The following FRK variants were observed in gnomAD, a reference collection of about 807,000 sequenced individuals.
The protein encoded by FRK is fyn related Src family tyrosine kinase.
FRK carries 51 observed loss-of-function variants against 56.4 expected under a neutral mutation model. That is an observed-to-expected ratio of 0.90 (90% CI 0.72 to 1.14). The LOEUF is 1.14. FRK is among the 50% of genes most tolerant of loss of function. The pLI is 0.00. For missense variants in FRK, 570 were observed against 601.4 expected (o/e 0.95, Z 0.55); for synonymous variants, 245 against 217.9 (o/e 1.12, Z -1.10).
At chr6:116,041,453 G>A (rs1479349795) in intron 1 of FRK, among the ~76,000 whole-genome samples, 4 of 152,208 alleles carry the variant, frequency 2.6e-5, no homozygotes, top group East Asian at 3.9e-4. Context: ...GGATTAAGTC[G>A]TGCGCAAGAT....
chr6:115,971,504 T>C (rs1773804439), intron 2 of FRK, among the ~76,000 whole-genome samples: 1 of 152,120 alleles, frequency 6.6e-6, no homozygotes, highest in Non-Finnish European at 1.5e-5. Context: ...ATGCAAACAA[T>C]ACACAGAAAA....
intron 1 of FRK, among the ~76,000 whole-genome samples, chr6:116,022,115 C>T (rs1775893693): frequency 6.6e-6 from 1 of 151,832 alleles, no homozygotes; most frequent in African/African-American, 2.4e-5. Flanking sequence ...CCCAAAATAA[C>T]ACAAGAAGAA....
At chr6:116,023,544 T>C (rs1014352724) in intron 1 of FRK, among the ~76,000 whole-genome samples, 13 of 152,144 alleles carry the variant, frequency 8.5e-5, no homozygotes, top group African/African-American at 2.7e-4. Context: ...AAAGTAGATA[T>C]ATGATTGCAT....
upstream of FRK, among the ~76,000 whole-genome samples, chr6:116,062,650 C>A (rs144399796): frequency 3.1e-3 from 471 of 152,270 alleles, 9 homozygotes; most frequent in South Asian, 0.04. Flanking sequence ...ACACCACAGT[C>A]ATTGAGCAAG....
intron 1 of FRK, among the ~76,000 whole-genome samples, chr6:116,042,035 T>C (rs1044934488): frequency 3.9e-5 from 6 of 152,208 alleles, no homozygotes; most frequent in Non-Finnish European, 7.3e-5. Context: ...GTCTGAAGTC[T>C]ACCTGGGACA....
chr6:115,936,162 G>C lies in FRK; in HGVS notation c.*6252C>G, dbSNP rs911119784. 6.3e-6 allele frequency: 1 copy of C among 159,400 alleles called. No homozygotes were observed. Among genetic ancestry groups the C allele is most frequent in the Non-Finnish European group, 1.3e-5 (1 of 74,182 alleles). The allele number at this position is 159,400 out of a possible 1,614,324, so 9.9% of individuals were successfully genotyped here. A position where few individuals can be genotyped will look rare whatever the true frequency, so the allele number is the denominator to read the frequency against. On this transcript the variant is annotated 3_prime_UTR_variant, in exon 8 of 8. Transcript: ENST00000606080. ...GAGGAAAGAACAGGCAGCAATCTTT[G>C]CTGTTCTGCAGCCTCCACTCGTGAC... is the stretch of plus-strand genomic sequence containing the variant.
At chr6:115,984,407 C>T (rs1774314647) in intron 2 of FRK, among the ~76,000 whole-genome samples, 1 of 151,944 alleles carries the variant, frequency 6.6e-6, no homozygotes, top group African/African-American at 2.4e-5. Context: ...CACATCAGTC[C>T]TGATATGGGA....
At chr6:116,039,065 T>G (rs1776608883) in intron 1 of FRK, 2 of 764,328 alleles carry the variant, frequency 2.6e-6, no homozygotes, top group Admixed American at 1.7e-5. Context: ...CTTTGGGGAG[T>G]CAGATAAGCT....
At chr6:115,976,072 C>T (rs1773981264) in intron 2 of FRK, among the ~76,000 whole-genome samples, 1 of 152,032 alleles carries the variant, frequency 6.6e-6, no homozygotes, top group African/African-American at 2.4e-5. Flanking sequence ...TGATTTCCGT[C>T]CTATTTGCCA....
rs973257899 is a variant in FRK, at chr6:115,986,347, C to T, written c.466+17530G>A. On this transcript the variant is annotated intron_variant, in intron 2 of 7. Transcript: ENST00000606080. Reference sequence around the variant, plus strand: ...CAGAATGAAAGGTACATGGAGATTACCCTAGGCCTGTCTACCTTAGACAGA... The same window carrying T: ...CAGAATGAAAGGTACATGGAGATTATCCTAGGCCTGTCTACCTTAGACAGA... 4.6e-5 allele frequency among the ~76,000 whole-genome samples: 7 copies of T among 152,206 alleles called. No individual in the cohort carries two copies. The South Asian group carries it at 1.5e-3, about 32-fold the overall frequency.
intron 2 of FRK, among the ~76,000 whole-genome samples, chr6:115,989,915 G>A (rs372150380): frequency 6.6e-6 from 1 of 151,878 alleles, no homozygotes; most frequent in Non-Finnish European, 1.5e-5. Context: ...CAGTGCACAA[G>A]CATTCCCTTT....
rs1194766796 is a variant in FRK, at chr6:116,024,665, T to C, written c.345-20667A>G. On this transcript the variant is annotated intron_variant, in intron 1 of 7. Transcript: ENST00000606080. Reference sequence around the variant, plus strand: ...CACATTTTCTTAATCCAGTCTATCATTGTTGGACATTTGGGTCGGTTCCAA... The same window carrying C: ...CACATTTTCTTAATCCAGTCTATCACTGTTGGACATTTGGGTCGGTTCCAA... 7.9e-5 allele frequency among the ~76,000 whole-genome samples: 12 copies of C among 152,312 alleles called. No homozygotes were observed. In the East Asian group the frequency reaches 2.3e-3, roughly 29 times the overall value.
rs1772105737 is a variant in FRK at position 115,939,090 on chromosome 6, A to G, written c.*3324T>C. 1.3e-5 allele frequency: 2 copies of G among 152,128 alleles called. No homozygotes were observed. The highest frequency in any genetic ancestry group is 1.3e-4 in the Admixed American group (2 of 15,262). 9.4% of individuals were successfully genotyped at this position (152,128 alleles called of 1,614,324 possible). On this transcript the variant is annotated 3_prime_UTR_variant, in exon 8 of 8. Coordinates refer to ENST00000606080, the MANE Select transcript of FRK (RefSeq NM_002031.3). ...GAACATCCATGCAAAAATCCTCAAT[A>G]AAATACTGGCAAACTGAGTGCAGCA...
At chr6:115,979,633 C>T (rs368183116) in intron 2 of FRK, among the ~76,000 whole-genome samples, 2 of 152,136 alleles carry the variant, frequency 1.3e-5, no homozygotes, top group Admixed American at 6.6e-5. Flanking sequence ...CCTTCACTGA[C>T]ACACCCAGGG....
intron 2 of FRK, among the ~76,000 whole-genome samples, chr6:115,990,007 AT>A (rs1774536353): frequency 6.6e-6 from 1 of 151,808 alleles, no homozygotes; most frequent in African/African-American, 2.4e-5. Flanking sequence ...GTATCTCATT[AT>A]GGTTTTAATT....
chr6:115,954,882 T>C (rs1385322695), intron 5 of FRK, among the ~76,000 whole-genome samples: 1 of 152,150 alleles, frequency 6.6e-6, no homozygotes, highest in African/African-American at 2.4e-5. Flanking sequence ...TCAAAAGAAC[T>C]GAGCCACCAG....
chr6:115,979,371 A>T (rs1417421678), intron 2 of FRK, among the ~76,000 whole-genome samples: 2 of 152,104 alleles, frequency 1.3e-5, no homozygotes, highest in Non-Finnish European at 2.9e-5. Context: ...AAAATAGAAA[A>T]AAGCTTATAA....
At chr6:116,100,163 A>C in the FRK span, among the ~76,000 whole-genome samples, 1 of 152,230 alleles carries the variant, frequency 6.6e-6, no homozygotes, top group Non-Finnish European at 1.5e-5. Context: ...TTTCATAAAA[A>C]ATTCATTACA....
At chr6:115,998,323 T>C (rs1433411255) in intron 2 of FRK, among the ~76,000 whole-genome samples, 4 of 152,202 alleles carry the variant, frequency 2.6e-5, no homozygotes, top group Admixed American at 6.5e-5. Context: ...CACCAATTAC[T>C]TTCTGCCTAA....
Sources: allele counts gnomAD v4.1 joint callset (sites outside exome capture counted in the v4.1 genomes callset), GRCh38; gene constraint gnomAD v4.1.1; transcripts MANE v1.5; gene names NCBI Gene and HGNC (gene_info 2026-07-23, HGNC 2026-07-21).